ANKUB1: variants seen among roughly 807,000 people sequenced by gnomAD.
ANKUB1 encodes ankyrin repeat and ubiquitin domain containing 1, also known as protein ANKUB1.
In ANKUB1, 42 loss-of-function variants were observed where a neutral mutation model predicts 49.3. The ratio of observed to expected loss-of-function variants is 0.85; its 90% CI spans 0.67 to 1.10. The LOEUF is 1.10. ANKUB1 is among the 50% of genes least tolerant of loss of function. ANKUB1 has a pLI of 0.00. For synonymous variants in ANKUB1, 222 were observed against 231.0 expected (o/e 0.96, Z 0.35); for missense variants, 613 against 642.0 (o/e 0.95, Z 0.49).
chr3:149,777,303 C>T (rs1440962078), intron 3 of ANKUB1, among the ~76,000 whole-genome samples: 1 of 152,144 alleles, frequency 6.6e-6, no homozygotes, highest in Non-Finnish European at 1.5e-5. Context: ...GAAACCCCGT[C>T]TCTACTAAAA....
chr3:149,767,913 G>C lies in ANKUB1; in HGVS notation c.749C>G (p.Ala250Gly). The C allele has an allele frequency of 6.4e-7, 1 of 1,550,612 alleles. No homozygotes were observed. Among genetic ancestry groups the C allele is most frequent in the Middle Eastern group, 1.7e-4 (1 of 5,988 alleles). The part of the protein sequence containing the change: ...SKCPIHAAAE[A>G]GQLLILKAFV... ...GGCCTTCAGAATCAACAGTTGGCCT[G>C]CTTCTGCGGCTGCATGAATGGGGCA... The change falls in exon 5 of 6, where the codon GCA becomes GGA. Residue 250 changes from alanine to glycine, a missense_variant. By Grantham distance (60) the Ala-to-Gly change is moderately conservative. Coordinates refer to ENST00000446160, the MANE Select transcript of ANKUB1 (RefSeq NM_001144960.3).
chr3:149,785,732 T>C (rs903285014), intron 2 of ANKUB1, among the ~76,000 whole-genome samples: 2 of 152,332 alleles, frequency 1.3e-5, no homozygotes, highest in South Asian at 4.1e-4. Context: ...CATGTGCATG[T>C]GTCTTTATAG....
chr3:149,782,258 T>C (rs13322158), intron 2 of ANKUB1, among the ~76,000 whole-genome samples: 38,307 of 151,212 alleles, frequency 0.25, 5,183 homozygotes, highest in Middle Eastern at 0.34. Flanking sequence ...AGTCACTCTT[T>C]AAAAAAAAAA....
intron 4 of ANKUB1, among the ~76,000 whole-genome samples, chr3:149,768,954 G>A (rs1717199243): frequency 6.6e-6 from 1 of 152,154 alleles, no homozygotes; most frequent in Non-Finnish European, 1.5e-5. Context: ...ATATAACACA[G>A]TGTCTGCCGT....
chr3:149,768,130 A>G (rs1426785825), intron 4 of ANKUB1, 35 bp from the exon 5 acceptor site: 2 of 1,301,824 alleles, frequency 1.5e-6, no homozygotes, highest in Admixed American at 3.3e-5. Context: ...GGGGGTGTTT[A>G]GAAAATCAGC....
At chr3:149,777,497 C>A (rs564167911) in intron 3 of ANKUB1, among the ~76,000 whole-genome samples, 119 of 151,556 alleles carry the variant, frequency 7.9e-4, no homozygotes, top group African/African-American at 1.3e-3. Flanking sequence ...ACAACAACAA[C>A]AACAAAAAAA....
chr3:149,780,095 CTGT>C (rs1196398806), intron 3 of ANKUB1, 141 bp downstream of exon 3: 2 of 702,684 alleles, frequency 2.8e-6, no homozygotes, highest in Non-Finnish European at 4.7e-6. Flanking sequence ...AATGTGTTAA[CTGT>C]TTTAAAGTGA....
intron 2 of ANKUB1, among the ~76,000 whole-genome samples, chr3:149,787,738 G>A (rs917526583): frequency 3.9e-5 from 6 of 152,128 alleles, no homozygotes; most frequent in Non-Finnish European, 8.8e-5. Context: ...GCTGGAAAAA[G>A]CATTGTCTAA....
intron 2 of ANKUB1, 84 bp downstream of exon 2, chr3:149,790,697 A>C (rs1718320690): frequency 7.6e-7 from 1 of 1,324,450 alleles, no homozygotes; most frequent in Admixed American, 2.8e-5. Flanking sequence ...TTTTTAAGTT[A>C]TGGAATTACT....
In ANKUB1 at chr3:149,792,368, G is replaced by A; in HGVS notation, c.-2C>T. ...TTCAAAGGCGATGAAAATCCTCATT[G>A]TACAATTACCTTTTCAAACAAAAAA... On this transcript the variant is annotated 5_prime_UTR_variant, in exon 1 of 6. Coordinates refer to ENST00000446160, the MANE Select transcript of ANKUB1 (RefSeq NM_001144960.3). The A allele has an allele frequency of 6.7e-7, 1 of 1,484,706 alleles. No individual in the cohort carries two copies. Among genetic ancestry groups the A allele is most frequent in the Non-Finnish European group, 9.0e-7 (1 of 1,111,900 alleles). The allele number at this position is 1,484,706 out of a possible 1,614,324, so 92.0% of individuals were successfully genotyped here. A position where few individuals can be genotyped will look rare whatever the true frequency, so the allele number is the denominator to read the frequency against.
chr3:149,779,901 A>G, intron 3 of ANKUB1: 2 of 287,580 alleles, frequency 7.0e-6, no homozygotes, highest in South Asian at 8.2e-5. Context: ...CTGAACTTAC[A>G]GAGGTTTCCA....
Position 149,768,038 on chromosome 3 carries a change from A to G in ANKUB1, c.624T>C (p.Thr208=), listed in dbSNP as rs796123125. 14 of 1,470,642 alleles carry G rather than the reference A, an allele frequency of 9.5e-6. No individual in the cohort carries two copies. In the African/African-American group the frequency reaches 2.0e-4, roughly 21 times the overall value. 91.1% of individuals were successfully genotyped at this position (1,470,642 alleles called of 1,614,324 possible). A position where few individuals can be genotyped will look rare whatever the true frequency, so the allele number is the denominator to read the frequency against. ...GCGCACCCTGCTTCAGGGCCCATTC[A>G]GTGAGTTCAATGTACCCACAAAAAG... The part of the protein sequence containing the change: ...IAAFCGYIEL[T]EWALKQGARP... Residue 208 remains threonine (T), a synonymous_variant, in exon 5 of 6, where the codon ACT becomes ACC. Coordinates refer to ENST00000446160, the MANE Select transcript of ANKUB1 (RefSeq NM_001144960.3).
At chr3:149,777,272 G>C (rs1377712237) in intron 3 of ANKUB1, among the ~76,000 whole-genome samples, 2 of 152,160 alleles carry the variant, frequency 1.3e-5, no homozygotes, top group African/African-American at 2.4e-5. Context: ...AGGAGATGGA[G>C]ACCATCCTGG....
chr3:149,786,908 C>T (rs972979400), intron 2 of ANKUB1, among the ~76,000 whole-genome samples: 1 of 152,158 alleles, frequency 6.6e-6, no homozygotes, highest in African/African-American at 2.4e-5. Flanking sequence ...TTTCTGAGGG[C>T]TCTGTCTTGT....
intron 2 of ANKUB1, chr3:149,783,188 G>A (rs925557703): frequency 6.6e-6 from 1 of 152,146 alleles, no homozygotes; most frequent in Non-Finnish European, 1.5e-5. Flanking sequence ...GAGGGAGTAG[G>A]TAGATGCCAA....
intron 3 of ANKUB1, 100 bp downstream of exon 3, chr3:149,780,139 G>GA: frequency 1.1e-6 from 1 of 931,720 alleles, no homozygotes; most frequent in Non-Finnish European, 1.6e-6. Context: ...GATTGTATAT[G>GA]AAAATCTAGA....
intron 2 of ANKUB1, among the ~76,000 whole-genome samples, chr3:149,788,103 A>G (rs963792700): frequency 6.6e-6 from 1 of 152,228 alleles, no homozygotes; most frequent in African/African-American, 2.4e-5. Context: ...ATGATTAAAC[A>G]TAGTTAAGTA....
chr3:149,777,672 C>T (rs903438232), intron 3 of ANKUB1, among the ~76,000 whole-genome samples: 1 of 152,204 alleles, frequency 6.6e-6, no homozygotes, highest in African/African-American at 2.4e-5. Context: ...CTGTCCCTCC[C>T]TGGAATGTCT....
chr3:149,781,461 G>A (rs976773331), intron 2 of ANKUB1, among the ~76,000 whole-genome samples: 6 of 152,166 alleles, frequency 3.9e-5, no homozygotes, highest in African/African-American at 1.2e-4. Flanking sequence ...GCCTGTTGTT[G>A]GGTTGGCAGA....
Sources: gnomAD v4.1 joint callset for allele counts (sites outside exome capture counted in the v4.1 genomes callset) on GRCh38, gnomAD v4.1.1 for gene constraint, MANE v1.5 for transcripts, NCBI Gene and HGNC (gene_info 2026-07-23, HGNC 2026-07-21) for gene names.